GLDC: variants seen among roughly 807,000 people sequenced by gnomAD.
The protein encoded by GLDC is glycine dehydrogenase (decarboxylating), mitochondrial.
A neutral mutation model predicts 121.3 loss-of-function variants in GLDC; 104 were observed. That is an observed-to-expected ratio of 0.86 (90% CI 0.73 to 1.01). The LOEUF (loss-of-function observed/expected upper bound fraction) is 1.01, where lower values mean the gene tolerates loss of function less well. Among genes scored for constraint, GLDC ranks in the 50% least tolerant of loss-of-function variants. The pLI, the probability that GLDC is intolerant of heterozygous loss-of-function variation, is 0.00. For synonymous variants in GLDC, 546 were observed against 480.6 expected (o/e 1.14, Z -1.78); for missense variants, 1,429 against 1,306.6 (o/e 1.09, Z -1.44).
In GLDC at chr9:6,540,065, C is replaced by A. The variant is rs755531632; in HGVS notation, c.2651G>T (p.Arg884Ile). The change falls in exon 22 of 25, where the codon AGA (arginine) becomes ATA (isoleucine). Residue 884 changes from arginine (R) to isoleucine (I), a missense_variant. Transcript: ENST00000321612. The part of the protein sequence containing the change: ...ANIEAVDVAK[R>I]LQDYGFHAPT... Reference sequence around the variant, plus strand: ...AAGCCACTTACCATAATCCTGGAGTCTCTTGGCCACATCCACAGCCTCAAT... The same window carrying A: ...AAGCCACTTACCATAATCCTGGAGTATCTTGGCCACATCCACAGCCTCAAT... The A allele has an allele frequency of 1.2e-6, 2 of 1,609,246 alleles. No homozygotes were observed. Among genetic ancestry groups the A allele is most frequent in the Non-Finnish European group, 1.7e-6 (2 of 1,175,674 alleles).
At position 6,587,356 on chromosome 9, in the gene GLDC, T is replaced by C. The variant is rs116472783; in HGVS notation, c.1708-73A>G. ...ATAGCAATAATAACTTTAATAATAATGACGATGATGAGAAAAGCTATGTGC... is the reference window on the plus strand; with the variant it reads ...ATAGCAATAATAACTTTAATAATAACGACGATGATGAGAAAAGCTATGTGC... On this transcript the variant is annotated intron_variant, in intron 14 of 24. Transcript: ENST00000321612. The C allele has an allele frequency of 4.2e-4, 478 of 1,139,660 alleles. 1 individual carries two copies. The African/African-American group carries it at 6.3e-3, about 15-fold the overall frequency. 70.6% of individuals were successfully genotyped at this position (1,139,660 alleles called of 1,614,324 possible). A position where few individuals can be genotyped will look rare whatever the true frequency, so the allele number is the denominator to read the frequency against.
chr9:6,608,173 G>A (rs1231041334), intron 4 of GLDC, among the ~76,000 whole-genome samples: 3 of 151,978 alleles, frequency 2.0e-5, no homozygotes, highest in Admixed American at 6.5e-5. Context: ...CAGCACTTTG[G>A]GAGGCCGAGG....
Position 6,604,578 on chromosome 9 carries a change from G to T in GLDC, c.1058+10C>A. Reference sequence around the variant, plus strand: ...TCACAATAAAAGTAGAGAAACATGAGCCCCTTTACCTTGTTACCCCCACCA... The same window carrying T: ...TCACAATAAAAGTAGAGAAACATGATCCCCTTTACCTTGTTACCCCCACCA... On this transcript the variant is annotated intron_variant, in intron 7 of 24. Coordinates refer to ENST00000321612, the MANE Select transcript of GLDC (RefSeq NM_000170.3). 1 of 1,603,600 alleles carries T rather than the reference G, an allele frequency of 6.2e-7. No individual in the cohort carries two copies. Among genetic ancestry groups the T allele is most frequent in the Non-Finnish European group, 8.5e-7 (1 of 1,172,192 alleles).
rs752968941 is a variant in GLDC, at chr9:6,534,735, A to T, written c.2892T>A (p.Tyr964Ter). ...CVTSSHWDRP[Y>*]SREVAAFPLP... ...GTGGGAATGCTGCCACCTCTCTGGAATAAGGCCGGTCCCAGTGGGAAGATG... is the reference window on the plus strand; with the variant it reads ...GTGGGAATGCTGCCACCTCTCTGGATTAAGGCCGGTCCCAGTGGGAAGATG... The change falls in exon 24 of 25, where the codon TAT becomes TAA. Residue 964 changes from tyrosine (Y) to a stop codon, truncating the protein, a stop_gained. Transcript: ENST00000321612. LOFTEE classifies it high-confidence loss of function. 4 of 1,605,820 alleles carry T rather than the reference A, an allele frequency of 2.5e-6. No individual in the cohort carries two copies. The highest frequency in any genetic ancestry group is 3.4e-6 in the Non-Finnish European group (4 of 1,172,492).
chr9:6,636,858 C>T (rs1295030919), intron 2 of GLDC, among the ~76,000 whole-genome samples: 1 of 151,874 alleles, frequency 6.6e-6, no homozygotes, highest in Admixed American at 6.6e-5. Context: ...CTGAGGCGGG[C>T]AGATCACTTG....
At chr9:6,571,756 A>G (rs1265308532) in intron 15 of GLDC, among the ~76,000 whole-genome samples, 1 of 152,242 alleles carries the variant, frequency 6.6e-6, no homozygotes, top group Non-Finnish European at 1.5e-5. Flanking sequence ...TTTCCATTTA[A>G]TATTTTTGAG....
intron 16 of GLDC, among the ~76,000 whole-genome samples, chr9:6,564,941 C>G (rs1219782581): frequency 1.3e-5 from 2 of 152,216 alleles, no homozygotes; most frequent in African/African-American, 4.8e-5. Flanking sequence ...CATACTATGA[C>G]CAGAACCGGG....
At chr9:6,575,459 T>G (rs62568993) in intron 15 of GLDC, among the ~76,000 whole-genome samples, 27,737 of 152,206 alleles carry the variant, frequency 0.18, 3,368 homozygotes, top group Middle Eastern at 0.27. Context: ...TCTGGGGCCC[T>G]ACTCCAGACT....
At chr9:6,551,813 G>A (rs1279235255) in intron 20 of GLDC, among the ~76,000 whole-genome samples, 2 of 152,186 alleles carry the variant, frequency 1.3e-5, no homozygotes, top group South Asian at 2.1e-4. Flanking sequence ...AGTGGATGTA[G>A]GGCAAGGTGA....
At chr9:6,541,146 A>G (rs1022688144) in intron 21 of GLDC, 17 of 152,336 alleles carry the variant, frequency 1.1e-4, no homozygotes, top group African/African-American at 3.8e-4. Flanking sequence ...GATTAGGGAT[A>G]TTCGACCTGT....
intron 8 of GLDC, among the ~76,000 whole-genome samples, chr9:6,599,475 C>CAT: frequency 6.6e-6 from 1 of 152,096 alleles, no homozygotes; most frequent in African/African-American, 2.4e-5. Flanking sequence ...GTAATCCCAG[C>CAT]ACTTTGGGAG....
intron 4 of GLDC, among the ~76,000 whole-genome samples, chr9:6,609,504 C>T (rs902847102): frequency 2.0e-5 from 3 of 152,098 alleles, no homozygotes; most frequent in Non-Finnish European, 4.4e-5. Flanking sequence ...TGCCTTTACA[C>T]TCAGCTATGC....
intron 15 of GLDC, chr9:6,566,635 A>T (rs1268152691): frequency 1.3e-5 from 2 of 152,188 alleles, no homozygotes; most frequent in South Asian, 4.2e-4. Flanking sequence ...ATGCTGACTC[A>T]ATCGTAGACT....
At chr9:6,554,143 T>C (rs141072099) in intron 19 of GLDC, among the ~76,000 whole-genome samples, 2 of 152,180 alleles carry the variant, frequency 1.3e-5, no homozygotes, top group African/African-American at 2.4e-5. Context: ...GATTTCAGTG[T>C]AAAAAGTTAT....
chr9:6,609,714 G>A lies in GLDC; in HGVS notation c.635+478C>T, dbSNP rs185513351. ...CTCTGCCCTCCCAAAGCTAGGTGCC[G>A]AGTCAGCTGTTTAAGGTCACATTTC... On this transcript the variant is annotated intron_variant, in intron 4 of 24. Transcript: ENST00000321612. Among the ~76,000 whole-genome samples the A allele has an allele frequency of 1.1e-3, 164 of 151,168 alleles. 1 individual carries two copies. Among genetic ancestry groups the A allele is most frequent in the African/African-American group, 3.7e-3 (150 of 41,062 alleles).
At chr9:6,616,402 A>T (rs1389356856) in intron 3 of GLDC, among the ~76,000 whole-genome samples, 1 of 152,216 alleles carries the variant, frequency 6.6e-6, no homozygotes, top group East Asian at 1.9e-4. Context: ...AAATATGCCA[A>T]ATATGTAATC....
At chr9:6,579,561 G>A (rs188171045) in intron 15 of GLDC, among the ~76,000 whole-genome samples, 168 of 152,042 alleles carry the variant, frequency 1.1e-3, no homozygotes, top group African/African-American at 3.8e-3. Context: ...GTCTTACTAT[G>A]TCACCCAGGC....
intron 21 of GLDC, among the ~76,000 whole-genome samples, chr9:6,545,031 A>G (rs1164644621): frequency 2.6e-5 from 4 of 151,996 alleles, no homozygotes; most frequent in East Asian, 1.9e-4. Context: ...CCCGGGAGGC[A>G]GAGGTTGAGG....
At chr9:6,601,104 C>T (rs1446840180) in intron 8 of GLDC, among the ~76,000 whole-genome samples, 4 of 152,138 alleles carry the variant, frequency 2.6e-5, no homozygotes, top group Non-Finnish European at 5.9e-5. Context: ...AACCGGGCAG[C>T]AGAGGTTGCA....
Sources: allele counts gnomAD v4.1 joint callset (sites outside exome capture counted in the v4.1 genomes callset), GRCh38; gene constraint gnomAD v4.1.1; transcripts MANE v1.5; gene names NCBI Gene and HGNC (gene_info 2026-07-23, HGNC 2026-07-21).